TAAR2: variants seen among roughly 807,000 people sequenced by gnomAD.
TAAR2 encodes the protein trace amine associated receptor 2, also known as trace amine-associated receptor 2.
In TAAR2, 30 loss-of-function variants were observed where a neutral mutation model predicts 25.5. That is an observed-to-expected ratio of 1.18 (90% CI 0.88 to 1.60). The LOEUF (loss-of-function observed/expected upper bound fraction) is 1.60. Among genes scored for constraint, TAAR2 ranks in the 40% most tolerant of loss-of-function variants. The pLI is 0.00. For missense variants in TAAR2, 481 were observed against 416.5 expected (o/e 1.15, Z -1.35); for synonymous variants, 150 against 142.4 (o/e 1.05, Z -0.38).
chr6:132,618,589 G>A (rs1020041402), intron 1 of TAAR2, among the ~76,000 whole-genome samples: 3 of 151,946 alleles, frequency 2.0e-5, no homozygotes, highest in East Asian at 1.9e-4. Context: ...GCAGTGAGCC[G>A]AGATTGTGCC....
chr6:132,624,080 AG>A, intron 1 of TAAR2, 135 bp downstream of exon 1: 1 of 843,684 alleles, frequency 1.2e-6, no homozygotes, highest in South Asian at 1.8e-5. Context: ...TGTGATTAAA[AG>A]AACACATTTC....
Position 132,617,713 on chromosome 6 carries a change from G to A in TAAR2, c.493C>T (p.Leu165Phe), listed in dbSNP as rs746962816. The change falls in exon 2 of 2, where the codon CTT (leucine) becomes TTT (phenylalanine). Residue 165 changes from leucine to phenylalanine, a missense_variant. Physicochemically the swap from Leu to Phe is conservative, Grantham distance 22. Transcript: ENST00000367931. ...ITIPVIKRLL[L>F]LCWSVPGAFA... The stretch of plus-strand genomic sequence containing the variant: ...GCTCCAGGGACCGACCAACATAGAA[G>A]TAGCAATCTTTTAATGACTGGAATA... 4 of 1,613,930 alleles carry A rather than the reference G, an allele frequency of 2.5e-6. No homozygotes were observed. Among genetic ancestry groups the A allele is most frequent in the Non-Finnish European group, 3.4e-6 (4 of 1,179,974 alleles).
intron 1 of TAAR2, among the ~76,000 whole-genome samples, chr6:132,620,437 G>A (rs1338403154): frequency 6.6e-6 from 1 of 152,178 alleles, no homozygotes; most frequent in East Asian, 1.9e-4. Context: ...AGTTTCATCA[G>A]AACAGTTTTA....
At position 132,618,053 on chromosome 6, in the gene TAAR2, T is replaced by C. The variant is rs1301965634; in HGVS notation, c.153A>G (p.Ala51=). The C allele has an allele frequency of 1.9e-6, 3 of 1,614,030 alleles. No individual in the cohort carries two copies. Among genetic ancestry groups the C allele is most frequent in the Non-Finnish European group, 2.5e-6 (3 of 1,179,944 alleles). Residue 51 remains alanine (A), a synonymous_variant, in exon 2 of 2, where the codon GCA becomes GCG. Coordinates refer to ENST00000367931, the MANE Select transcript of TAAR2 (RefSeq NM_001033080.1). ...GVRVAMYSFM[A]GSIFITIFGN... ...CAAATATTGTGATGAATATGGATCC[T>C]GCCATAAATGAATACATAGCCACTC... is the stretch of plus-strand genomic sequence containing the variant.
chr6:132,622,343 C>CT (rs1193691571), intron 1 of TAAR2, among the ~76,000 whole-genome samples: 1 of 150,278 alleles, frequency 6.7e-6, no homozygotes, highest in Non-Finnish European at 1.5e-5. Context: ...ATTATTTTTT[C>CT]TTTTTTTAAG....
intron 1 of TAAR2, among the ~76,000 whole-genome samples, chr6:132,618,672 C>T (rs1335049462): frequency 6.6e-6 from 1 of 152,004 alleles, no homozygotes; most frequent in Non-Finnish European, 1.5e-5. Flanking sequence ...TTACTCCATA[C>T]TTTCCTCTAT....
At position 132,624,221 on chromosome 6, in the gene TAAR2, T is replaced by C. The variant is rs1433207818; in HGVS notation, c.55A>G (p.Lys19Glu). 1 of 1,613,486 alleles carries C rather than the reference T, an allele frequency of 6.2e-7. No individual in the cohort carries two copies. The highest frequency in any genetic ancestry group is 1.1e-5 in the South Asian group (1 of 91,074). Residue 19 changes from lysine (K) to glutamate (E), a missense_variant, in exon 1 of 2, where the codon AAA (lysine) becomes GAA (glutamate). By Grantham distance (56) the Lys-to-Glu change is moderately conservative (BLOSUM62 1). Transcript: ENST00000367931. ...ELSHFKRTQTKKEKFNCSEYG... is the reference protein window; with the variant it reads ...ELSHFKRTQTEKEKFNCSEYG... ...TCATATGTTTAAGGGCCTACCTTTT[T>C]TGTCTGTGTTCTTTTGAAATGTGAA... is the stretch of plus-strand genomic sequence containing the variant.
intron 1 of TAAR2, among the ~76,000 whole-genome samples, chr6:132,618,402 G>T (rs1019414038): frequency 6.6e-6 from 1 of 152,174 alleles, no homozygotes; most frequent in African/African-American, 2.4e-5. Context: ...CACTTTAGGA[G>T]GTCGAGGCAG....
At position 132,624,229 on chromosome 6, in the gene TAAR2, G is replaced by A. The variant is rs1177801802; in HGVS notation, c.47C>T (p.Thr16Ile). 1 of 1,613,406 alleles carries A rather than the reference G, an allele frequency of 6.2e-7. No homozygotes were observed. The highest frequency in any genetic ancestry group is 1.3e-5 in the African/African-American group (1 of 74,996). ...TTAAGGGCCTACCTTTTTTGTCTGTGTTCTTTTGAAATGTGAAAGTTCATG... is the reference window on the plus strand; with the variant it reads ...TTAAGGGCCTACCTTTTTTGTCTGTATTCTTTTGAAATGTGAAAGTTCATG... Reference protein sequence around the residue: ...EQHELSHFKRTQTKKEKFNCS... With the variant: ...EQHELSHFKRIQTKKEKFNCS... The change falls in exon 1 of 2, where the codon ACA becomes ATA. Residue 16 changes from threonine to isoleucine, a missense_variant. Coordinates refer to ENST00000367931, the MANE Select transcript of TAAR2 (RefSeq NM_001033080.1).
At chr6:132,620,285 T>C (rs1031815710) in intron 1 of TAAR2, among the ~76,000 whole-genome samples, 4 of 152,172 alleles carry the variant, frequency 2.6e-5, no homozygotes, top group Admixed American at 2.0e-4. Flanking sequence ...TGGGACGTAT[T>C]TGAGCAATAG....
At chr6:132,622,599 C>T (rs1285995690) in intron 1 of TAAR2, among the ~76,000 whole-genome samples, 2 of 150,370 alleles carry the variant, frequency 1.3e-5, no homozygotes, top group African/African-American at 4.9e-5. Context: ...GATTCTCCTG[C>T]CTCAGCTTCC....
chr6:132,624,166 T>C, intron 1 of TAAR2, 50 bp downstream of exon 1: 1 of 1,564,314 alleles, frequency 6.4e-7, no homozygotes. Context: ...TATGCCAAAA[T>C]CTTCTCAGAT....
intron 1 of TAAR2, among the ~76,000 whole-genome samples, chr6:132,618,642 G>GAA (rs879678522): frequency 7.1e-6 from 1 of 141,338 alleles, no homozygotes. Flanking sequence ...TCCATCTCGA[G>GAA]AAAAAAAAAA....
rs1371555686 is a variant in TAAR2, at chr6:132,617,571, GT to G, written c.634del (p.Thr212ProfsTer13). On this transcript the variant is annotated frameshift_variant, in exon 2 of 2. Transcript: ENST00000367931. LOFTEE classifies it high-confidence loss of function. ...PVMFNKLWGT[T>X]LFMAGFFTPG... The stretch of plus-strand genomic sequence containing the variant: ...AGTGAAGAAACCTGCCATAAACAAG[GT>G]GGTCCCCCATAGCTTGTTGAACATC... 2 of 1,613,960 alleles carry G rather than the reference GT, an allele frequency of 1.2e-6. No homozygotes were observed. Among genetic ancestry groups the G allele is most frequent in the East Asian group, 4.5e-5 (2 of 44,828 alleles).
rs1777305187 is a variant in TAAR2 at position 132,617,288 on chromosome 6, A to G, written c.918T>C (p.Phe306=). ...LFDALTWFGY[F]NSTCNPLIYG... ...ATATTAACGGATTACATGTGGAGTT[A>G]AAATAGCCAAACCATGTCAAGGCAT... Residue 306 remains phenylalanine (F), a synonymous_variant, in exon 2 of 2, where the codon TTT becomes TTC. Transcript: ENST00000367931. 3 of 1,613,726 alleles carry G rather than the reference A, an allele frequency of 1.9e-6. No individual in the cohort carries two copies. In the African/African-American group the frequency reaches 4.0e-5, roughly 22 times the overall value.
chr6:132,623,063 T>G (rs9385618), intron 1 of TAAR2, among the ~76,000 whole-genome samples: 79,699 of 151,840 alleles, frequency 0.52, 21,755 homozygotes, highest in East Asian at 0.78. Flanking sequence ...TCCTTCCTTC[T>G]TTGTTGTAAA....
chr6:132,622,608 C>T (rs1777389844), intron 1 of TAAR2, among the ~76,000 whole-genome samples: 1 of 150,576 alleles, frequency 6.6e-6, no homozygotes, highest in African/African-American at 2.4e-5. Context: ...GCCTCAGCTT[C>T]CTGAGTAGCT....
In TAAR2 at chr6:132,617,490, T is replaced by C. The variant is rs376107701; in HGVS notation, c.716A>G (p.His239Arg). ...TCGCAAGTTATTGATGGCATGAGCA[T>C]GTTTTCTGGATACTGCAAAAATTTT... is the stretch of plus-strand genomic sequence containing the variant. Reference protein sequence around the residue: ...YGKIFAVSRKHAHAINNLREN... With the variant: ...YGKIFAVSRKRAHAINNLREN... The change falls in exon 2 of 2, where the codon CAT (histidine) becomes CGT (arginine). Residue 239 changes from histidine to arginine, a missense_variant. Transcript: ENST00000367931. 7 of 1,614,048 alleles carry C rather than the reference T, an allele frequency of 4.3e-6. No individual in the cohort carries two copies. The highest frequency in any genetic ancestry group is 1.7e-4 in the Middle Eastern group (1 of 6,060).
chr6:132,624,134 C>T (rs1278136634), intron 1 of TAAR2, 82 bp downstream of exon 1: 3 of 1,299,248 alleles, frequency 2.3e-6, no homozygotes, highest in Non-Finnish European at 3.3e-6. Context: ...TAATTATTAT[C>T]TTTGTAAATA....
Sources: gnomAD v4.1 joint callset for allele counts (sites outside exome capture counted in the v4.1 genomes callset) on GRCh38, gnomAD v4.1.1 for gene constraint, MANE v1.5 for transcripts, NCBI Gene and HGNC (gene_info 2026-07-23, HGNC 2026-07-21) for gene names.